FLT4: variants seen among roughly 807,000 people sequenced by gnomAD.
The protein encoded by FLT4 is fms related receptor tyrosine kinase 4, also known as vascular endothelial growth factor receptor 3.
A neutral mutation model predicts 163.2 loss-of-function variants in FLT4; 30 were observed. The ratio of observed to expected loss-of-function variants is 0.18; its 90% CI spans 0.14 to 0.25. The LOEUF is 0.25. Among genes scored for constraint, FLT4 ranks in the 10% least tolerant of loss-of-function variants. The probability of loss-of-function intolerance (pLI) is 1.00; values close to 1 mark genes in which losing one functional copy is unlikely to be tolerated. For synonymous variants in FLT4, 884 were observed against 789.5 expected, an observed-to-expected ratio of 1.12 and a Z score of -2.01; for missense variants, 1,510 against 1,863.8, an observed-to-expected ratio of 0.81 and a Z score of 3.50.
chr5:180,629,059 ACT>A, intron 7 of FLT4, 60 bp from the exon 8 acceptor site: 4 of 1,502,878 alleles, frequency 2.7e-6, no homozygotes, highest in Non-Finnish European at 3.7e-6. Flanking sequence ...CTGACCAGGG[ACT>A]CCCCCCACGG....
At chr5:180,628,416 C>T (rs941379339) in intron 8 of FLT4, among the ~76,000 whole-genome samples, 9 of 152,228 alleles carry the variant, frequency 5.9e-5, no homozygotes, top group Non-Finnish European at 1.3e-4. Flanking sequence ...CTCTCTCGCT[C>T]GCTGCCGTGC....
Position 180,630,376 on chromosome 5 carries a change from C to T in FLT4, c.401-39G>A, listed in dbSNP as rs376874261. On this transcript the variant is annotated intron_variant, in intron 3 of 29. Coordinates refer to ENST00000261937, the MANE Select transcript of FLT4 (RefSeq NM_182925.5). The surrounding 1 kb of genome is among the most constrained non-coding windows in gnomAD (Gnocchi z 6.3). ...GCAAGCTGTTGGGGAAGGGACGTGG[C>T]GGCCAGGCTGGGGGAGGGCTCCACG... 61 of 1,584,818 alleles carry T rather than the reference C, an allele frequency of 3.8e-5. No homozygotes were observed. The highest frequency in any genetic ancestry group is 2.1e-4 in the African/African-American group (16 of 74,518).
chr5:180,625,784 T>A, intron 10 of FLT4, 85 bp downstream of exon 10: 1 of 1,277,508 alleles, frequency 7.8e-7, no homozygotes, highest in Non-Finnish European at 1.1e-6. Flanking sequence ...ACCTGGGCAG[T>A]GAGGGGTGCT....
At position 180,626,194 on chromosome 5, in the gene FLT4, G is replaced by A. The variant is rs1763594344; in HGVS notation, c.1175C>T (p.Ala392Val). Residue 392 changes from alanine (A) to valine (V), a missense_variant, in exon 9 of 30, where the codon GCC (alanine) becomes GTC (valine). By Grantham distance (64) the Ala-to-Val change is moderately conservative. Coordinates refer to ENST00000261937, the MANE Select transcript of FLT4 (RefSeq NM_182925.5). ...GGCGAGGGTGTAGGTGCCTGTGCTG[G>A]CCTCTGTCACCTCCTTGAGCACCAG... ...HALVLKEVTEASTGTYTLALW... is the reference protein window; with the variant it reads ...HALVLKEVTEVSTGTYTLALW... The A allele has an allele frequency of 1.2e-6, 2 of 1,612,690 alleles. No individual in the cohort carries two copies. Among genetic ancestry groups the A allele is most frequent in the African/African-American group, 2.7e-5 (2 of 74,896 alleles).
intron 18 of FLT4, 99 bp from the exon 19 acceptor site, chr5:180,619,465 C>T: frequency 9.9e-7 from 1 of 1,009,388 alleles, no homozygotes; most frequent in Non-Finnish European, 1.5e-6. Context: ...TAAGGGCCCC[C>T]AGGACATCCT....
chr5:180,620,264 CATG>C lies in FLT4; in HGVS notation c.2448_2450del (p.Ile816del). On this transcript the variant is annotated inframe_deletion, in exon 17 of 30. Coordinates refer to ENST00000261937, the MANE Select transcript of FLT4 (RefSeq NM_182925.5). This position sits in a 1 kb window ranked among gnomAD's most constrained non-coding sequence, Gnocchi z 4.4. ...CCTCCAGAGGCACCTCCCCGGGGTC[CATG>C]ATGATGGACAGGTAGCCCGTCTTGA... 2.5e-6 allele frequency: 4 copies of C among 1,612,156 alleles called. No homozygotes were observed. The highest frequency in any genetic ancestry group is 3.4e-6 in the Non-Finnish European group (4 of 1,179,964).
Position 180,611,193 on chromosome 5 carries a change from C to T in FLT4, c.3686+138G>A, listed in dbSNP as rs1403151548. The stretch of plus-strand genomic sequence containing the variant: ...GACCCTGCAGTGGGTCATTTAAAGC[C>T]ACTCTGTGCTCTGAGTTTGTGCACA... On this transcript the variant is annotated intron_variant, in intron 27 of 29. Transcript: ENST00000261937. 15 of 1,082,040 alleles carry T rather than the reference C, an allele frequency of 1.4e-5. No homozygotes were observed. In the East Asian group the frequency reaches 3.3e-4, roughly 24 times the overall value. 67.0% of individuals were successfully genotyped at this position (1,082,040 alleles called of 1,614,324 possible).
rs1262382099 is a variant in FLT4 at position 180,618,814 on chromosome 5, G to C, written c.2957C>G (p.Ser986Trp). The change falls in exon 21 of 30, where the codon TCG becomes TGG. Residue 986 changes from serine (S) to tryptophan (W), a missense_variant. Transcript: ENST00000261937. Reference sequence around the variant, plus strand: ...CCGCCTCGCTCCGCCCTCGGTCTTCGAGAACCGCGCGAAGAGGACCCTGTC... The same window carrying C: ...CCGCCTCGCTCCGCCCTCGGTCTTCCAGAACCGCGCGAAGAGGACCCTGTC... The part of the protein sequence containing the change: ...SSDRVLFARF[S>W]KTEGGARRAS... The C allele has an allele frequency of 6.3e-7, 1 of 1,586,476 alleles. No individual in the cohort carries two copies. The highest frequency in any genetic ancestry group is 8.6e-7 in the Non-Finnish European group (1 of 1,167,176).
intron 7 of FLT4, 56 bp downstream of exon 7, chr5:180,629,203 G>A (rs1424933259): frequency 1.4e-5 from 23 of 1,601,370 alleles, no homozygotes; most frequent in South Asian, 4.4e-5. Flanking sequence ...CAAGGGCACC[G>A]TGAGCTCTGG....
intron 26 of FLT4, among the ~76,000 whole-genome samples, chr5:180,611,981 C>T (rs891512531): frequency 8.5e-5 from 13 of 152,308 alleles, no homozygotes; most frequent in Non-Finnish European, 1.8e-4. Context: ...ACTAGACCCG[C>T]AGCACCCATC....
At chr5:180,638,002 G>A (rs553054779) in intron 1 of FLT4, among the ~76,000 whole-genome samples, 3 of 152,208 alleles carry the variant, frequency 2.0e-5, no homozygotes, top group South Asian at 2.1e-4. Context: ...GCCACTGGGC[G>A]GGGCTCTTAT....
At chr5:180,643,678 C>T (rs2127868102) in intron 1 of FLT4, among the ~76,000 whole-genome samples, 1 of 152,254 alleles carries the variant, frequency 6.6e-6, no homozygotes, top group Non-Finnish European at 1.5e-5. Context: ...CCTCCACGTG[C>T]CCTAGATCTG....
chr5:180,612,906 G>A lies in FLT4; in HGVS notation c.3431+105C>T, dbSNP rs1354416915. ...TATCTTGAGGGTGGTGCCCAGGCCT[G>A]TCCTACTGGCCCTGGCTTCCCTGAT... On this transcript the variant is annotated intron_variant, in intron 25 of 29. Transcript: ENST00000261937. The A allele has an allele frequency of 3.6e-6, 3 of 840,468 alleles. No homozygotes were observed. In the African/African-American group the frequency reaches 5.0e-5, roughly 14 times the overall value. 52.1% of individuals were successfully genotyped at this position (840,468 alleles called of 1,614,324 possible). A position where few individuals can be genotyped will look rare whatever the true frequency, so the allele number is the denominator to read the frequency against.
chr5:180,607,950 G>T, intron 29 of FLT4: 1 of 612,168 alleles, frequency 1.6e-6, no homozygotes, highest in East Asian at 2.7e-5. Flanking sequence ...GCCAGTGTCT[G>T]GGAAGGCACC....
chr5:180,622,610 C>T, intron 12 of FLT4, 121 bp downstream of exon 12: 1 of 711,688 alleles, frequency 1.4e-6, no homozygotes, highest in Non-Finnish European at 2.6e-6. Flanking sequence ...TTCCTGTCTA[C>T]AACCGGTAGG....
At chr5:180,637,593 C>T (rs929824190) in intron 1 of FLT4, among the ~76,000 whole-genome samples, 4 of 152,048 alleles carry the variant, frequency 2.6e-5, no homozygotes, top group African/African-American at 7.2e-5. Flanking sequence ...AGTGCAGTGG[C>T]GTGATCTCGG....
In FLT4 at chr5:180,611,596, G is replaced by A. The variant is rs369938996; in HGVS notation, c.3538-117C>T. 1,802 of 1,014,298 alleles carry A rather than the reference G, an allele frequency of 1.8e-3. 6 individuals are homozygous for A. Among genetic ancestry groups the A allele is most frequent in the African/African-American group, 3.2e-3 (123 of 38,114 alleles). 62.8% of individuals were successfully genotyped at this position (1,014,298 alleles called of 1,614,324 possible). A position where few individuals can be genotyped will look rare whatever the true frequency, so the allele number is the denominator to read the frequency against. ...GCCCTCACCCCCGCCCTCAGCCCTC[G>A]CCCCCGCACTCAGCTCTCGCCCCCG... On this transcript the variant is annotated intron_variant, in intron 26 of 29. Coordinates refer to ENST00000261937, the MANE Select transcript of FLT4 (RefSeq NM_182925.5).
chr5:180,633,644 G>A (rs1457746906), intron 1 of FLT4, among the ~76,000 whole-genome samples: 1 of 152,180 alleles, frequency 6.6e-6, no homozygotes, highest in Non-Finnish European at 1.5e-5. Flanking sequence ...CTCTGAGCTG[G>A]GCTTTGAAGG....
In FLT4 at chr5:180,620,113, G is replaced by A. The variant is rs539645184; in HGVS notation, c.2542+60C>T. 5.1e-6 allele frequency: 8 copies of A among 1,571,918 alleles called. No individual in the cohort carries two copies. The highest frequency in any genetic ancestry group is 2.2e-5 in the East Asian group (1 of 44,486). On this transcript the variant is annotated intron_variant, in intron 17 of 29. Coordinates refer to ENST00000261937, the MANE Select transcript of FLT4 (RefSeq NM_182925.5). The surrounding 1 kb of genome is among the most constrained non-coding windows in gnomAD (Gnocchi z 4.4). ...GAAAATGGAGGGATTCAGGCACTCC[G>A]GCCTGCAGCAGGTGGGTCGGGCAGG...
Sources: gnomAD v4.1 joint callset for allele counts (sites outside exome capture counted in the v4.1 genomes callset) on GRCh38, gnomAD v4.1.1 for gene constraint, Gnocchi (gnomAD v3.1) non-coding constraint, MANE v1.5 for transcripts, NCBI Gene and HGNC (gene_info 2026-07-23, HGNC 2026-07-21) for gene names.